Variants in USP50 observed in about 807,000 individuals in gnomAD.
USP50 encodes ubiquitin carboxyl-terminal hydrolase 50.
USP50 carries 37 observed loss-of-function variants against 39.2 expected under a neutral mutation model. The observed-to-expected ratio is 0.94, with a 90% CI of 0.73 to 1.24. The LOEUF (loss-of-function observed/expected upper bound fraction) is 1.24. Among genes scored for constraint, USP50 ranks in the 50% most tolerant of loss-of-function variants. The pLI, the probability that USP50 is intolerant of heterozygous loss-of-function variation, is 0.00. For synonymous variants in USP50, 139 were observed against 144.5 expected, an observed-to-expected ratio of 0.96 and a Z score of 0.27; for missense variants, 374 against 398.2, an observed-to-expected ratio of 0.94 and a Z score of 0.52.
intron 6 of USP50, chr15:50,509,649 A>AAAAATAAAAT (rs555345057): frequency 4.6e-5 from 7 of 152,134 alleles, no homozygotes; most frequent in Admixed American, 1.3e-4. Context: ...CTGCGTCTCA[A>AAAAATAAAAT]AAAATAAAAT....
chr15:50,544,576 A>G lies in USP50; in HGVS notation c.248+11T>C, dbSNP rs2053056765. 9.9e-6 allele frequency: 16 copies of G among 1,609,710 alleles called. No individual in the cohort carries two copies. The East Asian group carries it at 3.1e-4, about 31-fold the overall frequency. ...TGGGGGCTGGGCTGCAGGGAATGCAAATGGTCTTACTTTTGCAGAGCGGTG... is the reference window on the plus strand; with the variant it reads ...TGGGGGCTGGGCTGCAGGGAATGCAGATGGTCTTACTTTTGCAGAGCGGTG... On this transcript the variant is annotated intron_variant, in intron 2 of 6. Coordinates refer to ENST00000532404, the MANE Select transcript of USP50 (RefSeq NM_203494.5).
chr15:50,532,733 A>G (rs978744027), intron 5 of USP50, among the ~76,000 whole-genome samples: 71 of 152,228 alleles, frequency 4.7e-4, no homozygotes, highest in African/African-American at 1.6e-3. Context: ...GTTCTAACGA[A>G]TAAAGTAGAC....
Position 50,545,814 on chromosome 15 carries a change from G to A in USP50, c.53+659C>T, listed in dbSNP as rs78860759. On this transcript the variant is annotated intron_variant, in intron 1 of 6. Coordinates refer to ENST00000532404, the MANE Select transcript of USP50 (RefSeq NM_203494.5). ...TTATAGGATCTGGGATTCTATGTCC[G>A]TTTCTCATCTATAAAATAGGAATAA... Among the ~76,000 whole-genome samples, 624 of 152,000 alleles carry A rather than the reference G, an allele frequency of 4.1e-3. 5 individuals are homozygous for A. Among genetic ancestry groups the A allele is most frequent in the African/African-American group, 0.014 (587 of 41,468 alleles).
intron 6 of USP50, among the ~76,000 whole-genome samples, chr15:50,519,924 C>A (rs1323749160): frequency 3.3e-5 from 5 of 152,152 alleles, no homozygotes; most frequent in African/African-American, 9.7e-5. Flanking sequence ...CAGCAATCCA[C>A]TACTGGGCAT....
At chr15:50,522,544 T>C (rs775826978) in intron 6 of USP50, among the ~76,000 whole-genome samples, 41 of 152,094 alleles carry the variant, frequency 2.7e-4, no homozygotes, top group Non-Finnish European at 4.4e-4. Flanking sequence ...AGCAATACCC[T>C]GATACTAAAG....
intron 6 of USP50, among the ~76,000 whole-genome samples, chr15:50,519,584 G>A (rs1416547533): frequency 3.3e-5 from 5 of 151,772 alleles, no homozygotes; most frequent in African/African-American, 7.3e-5. Flanking sequence ...GTGCGGTGGC[G>A]GGCACCTGTA....
At chr15:50,516,973 G>A (rs975729342) in intron 6 of USP50, among the ~76,000 whole-genome samples, 1 of 152,086 alleles carries the variant, frequency 6.6e-6, no homozygotes, top group Non-Finnish European at 1.5e-5. Flanking sequence ...AACAGTAGGA[G>A]ACTTCAATAC....
At chr15:50,508,237 CACTT>C (rs2052690869) in intron 6 of USP50, 1 of 151,608 alleles carries the variant, frequency 6.6e-6, no homozygotes, top group African/African-American at 2.4e-5. Flanking sequence ...AAAAGTAAAA[CACTT>C]AGAAGTAAAT....
intron 5 of USP50, among the ~76,000 whole-genome samples, chr15:50,537,891 G>A (rs28673594): frequency 3.1e-5 from 1 of 31,840 alleles, no homozygotes; most frequent in African/African-American, 9.7e-5. Flanking sequence ...GAGGGGAGGG[G>A]AGGGGAGGGA....
At chr15:50,508,744 T>A (rs1421844619) in intron 6 of USP50, 3 of 152,040 alleles carry the variant, frequency 2.0e-5, no homozygotes, top group Non-Finnish European at 4.4e-5. Flanking sequence ...ATGCCTATAA[T>A]CCCTGCACTT....
At chr15:50,495,937 G>C, downstream of USP50, 1 of 1,613,762 alleles carries the variant, frequency 6.2e-7, no homozygotes, top group Non-Finnish European at 8.5e-7. Flanking sequence ...AACACAAGCA[G>C]CTCAATGAGT....
At chr15:50,525,107 T>C (rs2052878057) in intron 6 of USP50, among the ~76,000 whole-genome samples, 1 of 152,184 alleles carries the variant, frequency 6.6e-6, no homozygotes, top group Non-Finnish European at 1.5e-5. Flanking sequence ...AAAAGGAAAT[T>C]CTGCCATTTG....
chr15:50,499,670 G>A (rs1320222586), downstream of USP50: 1 of 151,424 alleles, frequency 6.6e-6, no homozygotes, highest in South Asian at 2.1e-4. Flanking sequence ...GCTTTGGGCT[G>A]TATTTGTGCA....
intron 1 of USP50, among the ~76,000 whole-genome samples, chr15:50,494,841 C>T (rs2052312621): frequency 6.6e-6 from 1 of 152,012 alleles, no homozygotes; most frequent in South Asian, 2.1e-4. Flanking sequence ...ATGGCAAAAC[C>T]TCGTCTCTAC....
intron 6 of USP50, chr15:50,504,194 TTAAAG>T (rs2052627489): frequency 6.6e-6 from 1 of 152,204 alleles, no homozygotes; most frequent in South Asian, 2.1e-4. Flanking sequence ...CAGAGATGAC[TTAAAG>T]TATATGGGAG....
At chr15:50,538,273 CAAAAAA>C (rs766139797) in intron 5 of USP50, among the ~76,000 whole-genome samples, 2 of 17,304 alleles carry the variant, frequency 1.2e-4, no homozygotes, top group Non-Finnish European at 1.7e-4. Flanking sequence ...GAGACTGTCT[CAAAAAA>C]AAAAAAAAAA....
chr15:50,493,320 T>C (rs2052250694), downstream of USP50: 2 of 520,400 alleles, frequency 3.8e-6, no homozygotes, highest in Non-Finnish European at 7.7e-6. Context: ...TATGAATAAG[T>C]AAGCATTTTG....
chr15:50,535,094 G>T (rs1172838545), intron 5 of USP50, among the ~76,000 whole-genome samples: 4 of 151,710 alleles, frequency 2.6e-5, no homozygotes, highest in Admixed American at 2.6e-4. Context: ...AGCCAAGACG[G>T]CACCACTGCA....
intron 6 of USP50, chr15:50,509,132 C>CAAAAAAAAAAA (rs57125859): frequency 2.7e-4 from 11 of 41,366 alleles, no homozygotes; most frequent in Admixed American, 5.0e-4. Context: ...GACTCCGTCA[C>CAAAAAAAAAAA]AAAAAAAAAA....
Sources: allele counts gnomAD v4.1 joint callset (sites outside exome capture counted in the v4.1 genomes callset), GRCh38; gene constraint gnomAD v4.1.1; transcripts MANE v1.5; gene names NCBI Gene and HGNC (gene_info 2026-07-23, HGNC 2026-07-21).